The following CELF2 variants were observed in gnomAD, a reference collection of about 807,000 sequenced individuals.
CELF2 encodes the protein CUG triplet repeat RNA-binding protein 2.
A neutral mutation model predicts 62.6 loss-of-function variants in CELF2; 8 were observed. The observed-to-expected ratio is 0.13, with a 90% CI of 0.07 to 0.23. The LOEUF is 0.23. CELF2 is among the 10% of genes least tolerant of loss of function. The probability of loss-of-function intolerance (pLI) is 1.00; values close to 1 mark genes in which losing one functional copy is unlikely to be tolerated. For missense variants in CELF2, 333 were observed against 671.0 expected, an observed-to-expected ratio of 0.50 and a Z score of 5.56; for synonymous variants, 258 against 250.0, an observed-to-expected ratio of 1.03 and a Z score of -0.30.
rs2064774413 is a variant in CELF2, at chr10:11,157,565, T to A, written c.75-7921T>A. Among the ~76,000 whole-genome samples, 1 of 152,220 alleles carries A rather than the reference T, an allele frequency of 6.6e-6. No homozygotes were observed. Among genetic ancestry groups the A allele is most frequent in the Non-Finnish European group, 1.5e-5 (1 of 68,040 alleles). ...TTATACCACATTGGTTTTGGTTTTA[T>A]GTTGTGTCCATGTCTGTCTCTTCTA... is the stretch of plus-strand genomic sequence containing the variant. On this transcript the variant is annotated intron_variant, in intron 1 of 12. Transcript: ENST00000633077. This position sits in a 1 kb window ranked among gnomAD's most constrained non-coding sequence, Gnocchi z 4.9.
the CELF2 span, among the ~76,000 whole-genome samples, chr10:10,584,605 G>A: frequency 6.6e-6 from 1 of 152,192 alleles, no homozygotes; most frequent in East Asian, 1.9e-4. Flanking sequence ...TGCTTTAACA[G>A]CCCTGTTTCT....
At chr10:10,850,296 A>T (rs1253248103) in intron 1 of CELF2, among the ~76,000 whole-genome samples, 2 of 152,202 alleles carry the variant, frequency 1.3e-5, no homozygotes, top group Non-Finnish European at 2.9e-5. Context: ...ATGTGGCAGG[A>T]TTTTCTCCAG....
At chr10:11,273,044 T>TCCCCGCTCTC (rs1333613087) in intron 7 of CELF2, among the ~76,000 whole-genome samples, 1 of 152,100 alleles carries the variant, frequency 6.6e-6, no homozygotes, top group Non-Finnish European at 1.5e-5. Context: ...CACCCCCTCT[T>TCCCCGCTCTC]CCCCGCTCTC....
At chr10:10,569,213 A>C in the CELF2 span, among the ~76,000 whole-genome samples, 1 of 152,202 alleles carries the variant, frequency 6.6e-6, no homozygotes, top group Non-Finnish European at 1.5e-5. Flanking sequence ...TAATTTATAA[A>C]GAAAAAGACG....
At chr10:10,886,190 A>G (rs1181176492) in intron 1 of CELF2, among the ~76,000 whole-genome samples, 2 of 151,494 alleles carry the variant, frequency 1.3e-5, no homozygotes, top group Non-Finnish European at 1.5e-5. Flanking sequence ...CTCTTTTTGT[A>G]GGTATTTATT....
intron 2 of CELF2, among the ~76,000 whole-genome samples, chr10:10,925,968 C>T (rs2065422170): frequency 2.0e-5 from 3 of 152,204 alleles, no homozygotes; most frequent in African/African-American, 7.2e-5. Context: ...TTTTCTAATG[C>T]ATCTACCACT....
chr10:10,726,873 G>T, the CELF2 span, among the ~76,000 whole-genome samples: 1 of 152,176 alleles, frequency 6.6e-6, no homozygotes, highest in Non-Finnish European at 1.5e-5. Flanking sequence ...AGGTTTAATT[G>T]GCTCACGGTT....
chr10:10,945,783 C>T lies in CELF2; in HGVS notation c.89+25784C>T, dbSNP rs566265248. On this transcript the variant is annotated intron_variant, in intron 2 of 13. Transcript: ENST00000636488. ...CTGGGGGAGTCAACAGCGAGGGCCC[C>T]TCAGCAGCCACTCCAGGATAGAAGC... 2.2e-4 allele frequency among the ~76,000 whole-genome samples: 34 copies of T among 152,282 alleles called. No individual in the cohort carries two copies. The East Asian group carries it at 5.6e-3, about 25-fold the overall frequency.
the CELF2 span, among the ~76,000 whole-genome samples, chr10:10,522,010 G>T: frequency 6.6e-6 from 1 of 152,212 alleles, no homozygotes; most frequent in Non-Finnish European, 1.5e-5. Flanking sequence ...CCATGGTCCA[G>T]CTGGGGTTTC....
In CELF2 at chr10:10,943,029, A is replaced by G. The variant is rs539734612; in HGVS notation, c.89+23030A>G. On this transcript the variant is annotated intron_variant, in intron 2 of 13. Coordinates refer to the CELF2 transcript ENST00000636488. ...ACAAGCCGGGATGCCCATGGAATTG[A>G]AGCTTCAGAAACTTATATTTGTACA... Among the ~76,000 whole-genome samples the G allele has an allele frequency of 1.1e-4, 16 of 152,288 alleles. No homozygotes were observed. The East Asian group carries it at 3.1e-3, about 29-fold the overall frequency.
At chr10:10,552,881 C>T in the CELF2 span, among the ~76,000 whole-genome samples, 29 of 152,268 alleles carry the variant, frequency 1.9e-4, no homozygotes, top group South Asian at 2.9e-3. Flanking sequence ...TGGAATGCTG[C>T]GAGGGCAGGG....
chr10:10,522,826 T>A, the CELF2 span, among the ~76,000 whole-genome samples: 2 of 152,166 alleles, frequency 1.3e-5, no homozygotes, highest in Non-Finnish European at 2.9e-5. Context: ...TGCCTCGGCC[T>A]CCCAAAGTGC....
At chr10:11,263,729 G>C (rs1246343837) in intron 5 of CELF2, among the ~76,000 whole-genome samples, 1 of 152,218 alleles carries the variant, frequency 6.6e-6, no homozygotes, top group Non-Finnish European at 1.5e-5. Flanking sequence ...TCCTGTGTTA[G>C]TATAAAGCCA....
rs75350000 is a variant in CELF2 at position 11,270,313 on chromosome 10, G to A, written c.619-353G>A. On this transcript the variant is annotated intron_variant, in intron 6 of 12. Coordinates refer to ENST00000633077, the MANE Select transcript of CELF2 (RefSeq NM_001326342.2). The surrounding 1 kb of genome is among the most constrained non-coding windows in gnomAD (Gnocchi z 5.8). ...ACAAAGCCAAGTCTGTCTTTAAGAC[G>A]AGCAGCCTGAGAAGCTCAATTAAAG... 6.7e-3 allele frequency among the ~76,000 whole-genome samples: 1,021 copies of A among 152,254 alleles called. 10 individuals carry two copies. Among genetic ancestry groups the A allele is most frequent in the Middle Eastern group, 0.017 (5 of 294 alleles).
chr10:10,763,753 A>T, the CELF2 span, among the ~76,000 whole-genome samples: 1 of 152,202 alleles, frequency 6.6e-6, no homozygotes, highest in Non-Finnish European at 1.5e-5. Context: ...ATGTCAGAAC[A>T]TGGAGAGGGA....
intron 1 of CELF2, among the ~76,000 whole-genome samples, chr10:11,045,070 C>T (rs1439954837): frequency 6.6e-6 from 1 of 152,142 alleles, no homozygotes; most frequent in Non-Finnish European, 1.5e-5. Context: ...CCTTCCAGTA[C>T]CCTAAATAAT....
chr10:11,024,573 C>A (rs1219090533), intron 1 of CELF2, among the ~76,000 whole-genome samples: 4 of 152,106 alleles, frequency 2.6e-5, no homozygotes, highest in African/African-American at 9.7e-5. Flanking sequence ...TACACTCCAG[C>A]CTGGGCGACA....
In CELF2 at chr10:11,211,791, T is replaced by TGTGAGA. The variant is rs1347314857; in HGVS notation, c.272-5633_272-5632insTGAGAG. Among the ~76,000 whole-genome samples, 28 of 135,654 alleles carry TGTGAGA rather than the reference T, an allele frequency of 2.1e-4. No homozygotes were observed. The highest frequency in any genetic ancestry group is 5.0e-4 in the South Asian group (2 of 3,976). The allele number at this position is 135,654 out of a possible 152,430, so 89.0% of individuals were successfully genotyped here. ...GAGTGAGAGTGTGTGTGTATGTGTG[T>TGTGAGA]GAGAGAGAGAGAGAGAGAGAGAGTG... is the stretch of plus-strand genomic sequence containing the variant. On this transcript the variant is annotated intron_variant, in intron 2 of 12. Coordinates refer to ENST00000633077, the MANE Select transcript of CELF2 (RefSeq NM_001326342.2). This position sits in a 1 kb window ranked among gnomAD's most constrained non-coding sequence, Gnocchi z 4.8.
chr10:11,300,982 T>G lies in CELF2; in HGVS notation c.976+12430T>G, dbSNP rs17150115. On this transcript the variant is annotated intron_variant, in intron 9 of 12. Coordinates refer to ENST00000633077, the MANE Select transcript of CELF2 (RefSeq NM_001326342.2). This position sits in a 1 kb window ranked among gnomAD's most constrained non-coding sequence, Gnocchi z 5.5. ...GTTGCAGCTTTAAAAAAAAGTATTT[T>G]GCTATCCAGGAAGAGTGGGGAGTAG... Among the ~76,000 whole-genome samples the G allele has an allele frequency of 5.2e-3, 793 of 152,288 alleles. 14 individuals carry two copies. The highest frequency in any genetic ancestry group is 0.045 in the South Asian group (217 of 4,826).
Sources: gnomAD v4.1 joint callset for allele counts (sites outside exome capture counted in the v4.1 genomes callset) on GRCh38, gnomAD v4.1.1 for gene constraint, Gnocchi (gnomAD v3.1) non-coding constraint, MANE v1.5 for transcripts, NCBI Gene and HGNC (gene_info 2026-07-23, HGNC 2026-07-21) for gene names.